CDH26: variants seen among roughly 807,000 people sequenced by gnomAD.
CDH26 encodes the protein cadherin-like protein 26.
CDH26 carries 83 observed loss-of-function variants against 90.3 expected under a neutral mutation model. The ratio of observed to expected loss-of-function variants is 0.92; its 90% confidence interval spans 0.77 to 1.10. The LOEUF (loss-of-function observed/expected upper bound fraction) is 1.10, where lower values mean the gene tolerates loss of function less well. CDH26 is among the 50% of genes least tolerant of loss of function. The pLI is 0.00. For synonymous variants in CDH26, 397 were observed against 396.3 expected (o/e 1.00, Z -0.02); for missense variants, 1,013 against 1,037.6 (o/e 0.98, Z 0.33).
downstream of CDH26, among the ~76,000 whole-genome samples, chr20:60,016,862 C>T (rs187000887): frequency 6.6e-5 from 10 of 152,010 alleles, no homozygotes; most frequent in South Asian, 2.1e-4. Context: ...TTTCTGCATC[C>T]GTTGAGATAA....
chr20:60,021,676 C>G (rs1445094412), intron 7 of CDH26, among the ~76,000 whole-genome samples: 4 of 151,918 alleles, frequency 2.6e-5, no homozygotes, highest in Admixed American at 6.5e-5. Flanking sequence ...ATGAGATGCT[C>G]TCTGACAAAT....
chr20:60,032,686 A>T (rs2062049401), intron 8 of CDH26, among the ~76,000 whole-genome samples: 1 of 152,112 alleles, frequency 6.6e-6, no homozygotes, highest in African/African-American at 2.4e-5. Context: ...GGGTGAGTTC[A>T]TGTCCTTTGT....
chr20:59,972,904 C>A (rs2061281371), intron 4 of CDH26, among the ~76,000 whole-genome samples: 1 of 152,138 alleles, frequency 6.6e-6, no homozygotes, highest in Non-Finnish European at 1.5e-5. Context: ...AAAAGATATA[C>A]CCTTAACTCA....
intron 4 of CDH26, among the ~76,000 whole-genome samples, chr20:59,974,892 C>T (rs2061309449): frequency 1.3e-5 from 2 of 152,064 alleles, no homozygotes; most frequent in African/African-American, 4.8e-5. Context: ...TAGTTGATCT[C>T]CTCCATTAGA....
chr20:60,032,905 G>A (rs2062052533), intron 8 of CDH26, among the ~76,000 whole-genome samples: 1 of 151,038 alleles, frequency 6.6e-6, no homozygotes, highest in Admixed American at 6.6e-5. Context: ...GCTAGATGAC[G>A]AGTTAGTGGG....
In CDH26 at chr20:59,992,466, T is replaced by A. The variant is rs890680455; in HGVS notation, c.1372T>A (p.Ser458Thr). The change falls in exon 10 of 18, where the codon TCC becomes ACC. Residue 458 changes from serine (S) to threonine (T), a missense_variant. Coordinates refer to ENST00000348616, the MANE Select transcript of CDH26 (RefSeq NM_177980.4). This position sits in a 1 kb window ranked among gnomAD's most constrained non-coding sequence, Gnocchi z 5.0. ...VITVEPIDRE[S>T]PHVNNSFYVI... ...CACCGTGGAGCCAATTGACCGAGAA[T>A]CCCCTCATGTAAATAACAGTTTTTA... 3.1e-6 allele frequency: 5 copies of A among 1,614,040 alleles called. No individual in the cohort carries two copies. The highest frequency in any genetic ancestry group is 4.2e-6 in the Non-Finnish European group (5 of 1,179,994).
At chr20:59,969,517 G>A (rs1273656314) in intron 2 of CDH26, among the ~76,000 whole-genome samples, 1 of 152,016 alleles carries the variant, frequency 6.6e-6, no homozygotes, top group Non-Finnish European at 1.5e-5. Context: ...TATAATAGAT[G>A]GTAACTGTGA....
At position 59,984,823 on chromosome 20, in the gene CDH26, A is replaced by AT. The variant is rs754201068; in HGVS notation, c.708+26dup. On this transcript the variant is annotated intron_variant, in intron 6 of 17. Transcript: ENST00000348616. The stretch of plus-strand genomic sequence containing the variant: ...ATTATGAGGTTATGTGGATTTTATT[A>AT]TTTTTTTTAAATGAAATGTGTGGCC... 2.7e-5 allele frequency: 43 copies of AT among 1,591,036 alleles called. No individual in the cohort carries two copies. In the African/African-American group the frequency reaches 3.7e-4, roughly 14 times the overall value.
chr20:60,025,925 G>A (rs904096364), intron 7 of CDH26, among the ~76,000 whole-genome samples: 3 of 152,160 alleles, frequency 2.0e-5, no homozygotes, highest in Non-Finnish European at 4.4e-5. Flanking sequence ...AAATGAACCC[G>A]GCGTAGTGTT....
chr20:59,985,418 A>T (rs56244158), intron 7 of CDH26, among the ~76,000 whole-genome samples: 3 of 152,104 alleles, frequency 2.0e-5, no homozygotes, highest in Non-Finnish European at 4.4e-5. Context: ...CAACAAGAGC[A>T]TGCAAGACAC....
chr20:60,006,276 C>T (rs2061748688), intron 16 of CDH26, among the ~76,000 whole-genome samples: 1 of 152,190 alleles, frequency 6.6e-6, no homozygotes, highest in Admixed American at 6.5e-5. Flanking sequence ...TTAGATAGCA[C>T]AGAGACCCAG....
intron 4 of CDH26, among the ~76,000 whole-genome samples, chr20:59,977,406 A>G (rs1364340228): frequency 6.6e-6 from 1 of 152,122 alleles, no homozygotes; most frequent in African/African-American, 2.4e-5. Context: ...TCAGCCTTCA[A>G]CAAACAAAAG....
Position 59,995,932 on chromosome 20 carries a change from C to A in CDH26, c.1766C>A (p.Thr589Asn). The A allele has an allele frequency of 6.8e-6, 11 of 1,614,248 alleles. No homozygotes were observed. The highest frequency in any genetic ancestry group is 9.3e-6 in the Non-Finnish European group (11 of 1,180,038). ...AAACAGGGACTTTCCCAGAAGCAAACTGTCCATGTAAGGATCTGCCCCTGT... is the reference window on the plus strand; with the variant it reads ...AAACAGGGACTTTCCCAGAAGCAAAATGTCCATGTAAGGATCTGCCCCTGT... ...GDKQGLSQKQ[T>N]VHVRICPCAS... is the part of the protein sequence containing the mutation. The change falls in exon 12 of 18, where the codon ACT becomes AAT. Residue 589 changes from threonine (T) to asparagine (N), a missense_variant. Physicochemically the swap from Thr to Asn is moderately conservative, Grantham distance 65. Transcript: ENST00000348616.
At chr20:59,974,384 T>A (rs957814568) in intron 4 of CDH26, among the ~76,000 whole-genome samples, 1 of 152,214 alleles carries the variant, frequency 6.6e-6, no homozygotes, top group Non-Finnish European at 1.5e-5. Context: ...TTTTAAATGA[T>A]GTATTAAGGG....
chr20:59,970,134 C>A lies in CDH26; in HGVS notation c.179C>A (p.Thr60Asn). Reference protein sequence around the residue: ...RRSKRRWVITTLELEEEDPGP... With the variant: ...RRSKRRWVITNLELEEEDPGP... ...TCCAAGAGAAGATGGGTTATCACCA[C>A]CTTGGAGCTGGAGGAGGAAGACCCG... Residue 60 changes from threonine (T) to asparagine (N), a missense_variant, in exon 3 of 18, where the codon ACC becomes AAC. Physicochemically the swap from Thr to Asn is moderately conservative, Grantham distance 65. Transcript: ENST00000348616. 1 of 1,614,104 alleles carries A rather than the reference C, an allele frequency of 6.2e-7. No homozygotes were observed. The highest frequency in any genetic ancestry group is 1.1e-5 in the South Asian group (1 of 91,086).
At position 59,984,888 on chromosome 20, in the gene CDH26, G is replaced by A. The variant is rs561008703; in HGVS notation, c.708+83G>A. 7.1e-6 allele frequency: 11 copies of A among 1,559,268 alleles called. No individual in the cohort carries two copies. In the East Asian group the frequency reaches 2.3e-4, roughly 32 times the overall value. On this transcript the variant is annotated intron_variant, in intron 6 of 17. Coordinates refer to ENST00000348616, the MANE Select transcript of CDH26 (RefSeq NM_177980.4). Reference sequence around the variant, plus strand: ...AGGCTTAGATTCTACATTTGTAGTGGGGAACCCTCTGTGGCTAGATTTGCT... The same window carrying A: ...AGGCTTAGATTCTACATTTGTAGTGAGGAACCCTCTGTGGCTAGATTTGCT...
chr20:60,013,337 G>A lies in CDH26; in HGVS notation c.*607G>A, dbSNP rs1418069888. 1 of 152,172 alleles carries A rather than the reference G, an allele frequency of 6.6e-6. No homozygotes were observed. The highest frequency in any genetic ancestry group is 1.5e-5 in the Non-Finnish European group (1 of 68,022). The allele number at this position is 152,172 out of a possible 1,614,324, so 9.4% of individuals were successfully genotyped here. Reference sequence around the variant, plus strand: ...AACAGTATACTCTTTAAAAAATGAAGAGCTGACATAATTTAACTTGTATGT... The same window carrying A: ...AACAGTATACTCTTTAAAAAATGAAAAGCTGACATAATTTAACTTGTATGT... On this transcript the variant is annotated 3_prime_UTR_variant, in exon 18 of 18. Transcript: ENST00000348616.
chr20:60,023,957 GA>G (rs2061977306), intron 7 of CDH26, among the ~76,000 whole-genome samples: 1 of 123,918 alleles, frequency 8.1e-6, no homozygotes, highest in Non-Finnish European at 1.7e-5. Context: ...TATGCTGACA[GA>G]GGGAGAGAGA....
chr20:60,002,749 A>G, intron 15 of CDH26, 64 bp from the exon 16 acceptor site: 1 of 1,284,596 alleles, frequency 7.8e-7, no homozygotes, highest in East Asian at 2.4e-5. Context: ...AAGAATTTCT[A>G]GTTATGTATT....
Sources: gnomAD v4.1 joint callset for allele counts (sites outside exome capture counted in the v4.1 genomes callset) on GRCh38, gnomAD v4.1.1 for gene constraint, Gnocchi (gnomAD v3.1) non-coding constraint, MANE v1.5 for transcripts, NCBI Gene and HGNC (gene_info 2026-07-23, HGNC 2026-07-21) for gene names.